PPARGC1A: variants seen among roughly 807,000 people sequenced by gnomAD.
PPARGC1A encodes PPARG coactivator 1 alpha, also known as peroxisome proliferator-activated receptor gamma coactivator 1-alpha.
In PPARGC1A, 25 loss-of-function variants were observed where a neutral mutation model predicts 88.7. That is an observed-to-expected ratio of 0.28 (90% confidence interval 0.21 to 0.39). The LOEUF (loss-of-function observed/expected upper bound fraction) is 0.39, where lower values mean the gene tolerates loss of function less well. PPARGC1A is among the 10% of genes least tolerant of loss of function. PPARGC1A has a pLI of 1.00. For synonymous variants in PPARGC1A, 363 were observed against 355.6 expected, an observed-to-expected ratio of 1.02 and a Z score of -0.24; for missense variants, 880 against 968.7, an observed-to-expected ratio of 0.91 and a Z score of 1.22.
chr4:24,357,286 C>G, the PPARGC1A span, among the ~76,000 whole-genome samples: 2 of 152,200 alleles, frequency 1.3e-5, no homozygotes, highest in African/African-American at 2.4e-5. Flanking sequence ...AGGTCACACA[C>G]AGTACTTGTC....
At chr4:24,150,299 G>C in the PPARGC1A span, among the ~76,000 whole-genome samples, 6 of 152,156 alleles carry the variant, frequency 3.9e-5, no homozygotes, top group African/African-American at 1.4e-4. Flanking sequence ...GGACAAGTAG[G>C]TGTAACATAA....
chr4:23,985,153 G>A, the PPARGC1A span, among the ~76,000 whole-genome samples: 2 of 152,062 alleles, frequency 1.3e-5, no homozygotes, highest in South Asian at 2.1e-4. Flanking sequence ...ATTACATGGC[G>A]GTTGGGTAGC....
the PPARGC1A span, among the ~76,000 whole-genome samples, chr4:24,369,318 T>G: frequency 6.6e-6 from 1 of 152,194 alleles, no homozygotes; most frequent in South Asian, 2.1e-4. Flanking sequence ...AGTCTGAGAA[T>G]AGTTGCTTGA....
At chr4:24,355,093 C>G in the PPARGC1A span, among the ~76,000 whole-genome samples, 1 of 152,080 alleles carries the variant, frequency 6.6e-6, no homozygotes, top group East Asian at 1.9e-4. Flanking sequence ...AGGGACTTAC[C>G]GCAGCTATGT....
chr4:24,009,655 A>G, the PPARGC1A span, among the ~76,000 whole-genome samples: 4 of 152,182 alleles, frequency 2.6e-5, no homozygotes, highest in African/African-American at 9.7e-5. Context: ...GTCTTAAGGG[A>G]CAGTTTTGGG....
At chr4:24,189,571 A>T in the PPARGC1A span, among the ~76,000 whole-genome samples, 1 of 152,104 alleles carries the variant, frequency 6.6e-6, no homozygotes, top group Non-Finnish European at 1.5e-5. Context: ...AGCCTTCCCT[A>T]ATCACCTCTA....
At chr4:23,975,906 C>T in the PPARGC1A span, among the ~76,000 whole-genome samples, 1 of 152,142 alleles carries the variant, frequency 6.6e-6, no homozygotes, top group Non-Finnish European at 1.5e-5. Flanking sequence ...TCAGCATCTG[C>T]AGTACACAAA....
the PPARGC1A span, among the ~76,000 whole-genome samples, chr4:24,462,253 A>ATTTTT: frequency 2.7e-3 from 391 of 143,368 alleles, 5 homozygotes; most frequent in African/African-American, 1.0e-2. Flanking sequence ...ACCCGGCTAA[A>ATTTTT]TTTTTTTTTT....
the PPARGC1A span, among the ~76,000 whole-genome samples, chr4:24,034,494 G>T: frequency 2.0e-5 from 3 of 152,020 alleles, no homozygotes; most frequent in Non-Finnish European, 2.9e-5. Flanking sequence ...TTCATTAATT[G>T]GTATTGTGTA....
At chr4:23,837,531 A>T (rs1005765902) in intron 2 of PPARGC1A, among the ~76,000 whole-genome samples, 8 of 152,088 alleles carry the variant, frequency 5.3e-5, no homozygotes, top group Non-Finnish European at 1.0e-4. Flanking sequence ...GACGTTTAGC[A>T]CTGGGCCAAC....
the PPARGC1A span, among the ~76,000 whole-genome samples, chr4:24,181,915 T>C: frequency 6.6e-6 from 1 of 152,102 alleles, no homozygotes; most frequent in South Asian, 2.1e-4. Context: ...TCCCTTATCC[T>C]GTGAAGGAAC....
At chr4:24,448,013 C>T in the PPARGC1A span, among the ~76,000 whole-genome samples, 1 of 152,190 alleles carries the variant, frequency 6.6e-6, no homozygotes, top group African/African-American at 2.4e-5. Flanking sequence ...TGCAGTGCAC[C>T]CTTCTCATCT....
the PPARGC1A span, among the ~76,000 whole-genome samples, chr4:24,098,432 T>C: frequency 7.9e-5 from 12 of 152,320 alleles, no homozygotes; most frequent in African/African-American, 2.9e-4. Flanking sequence ...GATTAACCAG[T>C]GAACTACCAT....
At chr4:24,161,110 G>C in the PPARGC1A span, among the ~76,000 whole-genome samples, 3 of 152,204 alleles carry the variant, frequency 2.0e-5, no homozygotes, top group African/African-American at 7.2e-5. Flanking sequence ...CTACTGACTG[G>C]TCCTAAATAA....
the PPARGC1A span, among the ~76,000 whole-genome samples, chr4:24,308,642 T>C: frequency 6.6e-6 from 1 of 152,126 alleles, no homozygotes; most frequent in Non-Finnish European, 1.5e-5. Flanking sequence ...CAGAGGTGTC[T>C]CATGGGTCAA....
At chr4:24,288,444 T>C in the PPARGC1A span, among the ~76,000 whole-genome samples, 1 of 152,084 alleles carries the variant, frequency 6.6e-6, no homozygotes, top group East Asian at 1.9e-4. Flanking sequence ...AAACCAATTA[T>C]CAACTAAGGG....
the PPARGC1A span, among the ~76,000 whole-genome samples, chr4:24,330,834 C>T: frequency 6.6e-6 from 1 of 152,110 alleles, no homozygotes; most frequent in East Asian, 1.9e-4. Flanking sequence ...GCAGCCACAC[C>T]ACTCTTTGGC....
At chr4:24,135,935 GC>G in the PPARGC1A span, among the ~76,000 whole-genome samples, 2 of 152,076 alleles carry the variant, frequency 1.3e-5, no homozygotes, top group Non-Finnish European at 2.9e-5. Context: ...AACTTACCTG[GC>G]CCTGCCAAGG....
chr4:23,838,011 C>T (rs1308251500), intron 2 of PPARGC1A, among the ~76,000 whole-genome samples: 2 of 152,192 alleles, frequency 1.3e-5, no homozygotes, highest in African/African-American at 2.4e-5. Flanking sequence ...TTTTTTCCTG[C>T]AATAAAATTT....
Sources: gnomAD v4.1 joint callset for allele counts (sites outside exome capture counted in the v4.1 genomes callset) on GRCh38, gnomAD v4.1.1 for gene constraint, MANE v1.5 for transcripts, NCBI Gene and HGNC (gene_info 2026-07-23, HGNC 2026-07-21) for gene names.